Variants in ZNF280D observed in about 807,000 individuals in gnomAD.
ZNF280D encodes the protein zinc finger protein 280D.
A neutral mutation model predicts 94.7 loss-of-function variants in ZNF280D; 39 were observed. The ratio of observed to expected loss-of-function variants is 0.41; its 90% CI spans 0.32 to 0.54. The LOEUF (loss-of-function observed/expected upper bound fraction) is 0.54, where lower values mean the gene tolerates loss of function less well. ZNF280D is among the 20% of genes least tolerant of loss of function. The probability of loss-of-function intolerance (pLI) is 0.22; values close to 1 mark genes in which losing one functional copy is unlikely to be tolerated. For synonymous variants in ZNF280D, 398 were observed against 377.6 expected (o/e 1.05, Z -0.63); for missense variants, 1,090 against 1,149.3 (o/e 0.95, Z 0.75).
chr15:56,691,523 T>G (rs1243024983), intron 7 of ZNF280D, among the ~76,000 whole-genome samples: 5 of 152,208 alleles, frequency 3.3e-5, no homozygotes, highest in African/African-American at 1.2e-4. Context: ...TCACTCTGTA[T>G]TTGTTTTAAA....
At chr15:56,642,078 T>C (rs1187930349) in intron 20 of ZNF280D, among the ~76,000 whole-genome samples, 1 of 151,620 alleles carries the variant, frequency 6.6e-6, no homozygotes, top group Non-Finnish European at 1.5e-5. Context: ...ACTTTCTCAA[T>C]ATACATAAGA....
intron 1 of ZNF280D, among the ~76,000 whole-genome samples, chr15:56,715,880 A>G (rs2058017835): frequency 6.6e-6 from 1 of 152,198 alleles, no homozygotes; most frequent in Non-Finnish European, 1.5e-5. Flanking sequence ...TGAAATATTC[A>G]GAAACAAAAC....
At chr15:56,689,754 G>A (rs2056309793) in intron 7 of ZNF280D, among the ~76,000 whole-genome samples, 1 of 151,528 alleles carries the variant, frequency 6.6e-6, no homozygotes, top group African/African-American at 2.4e-5. Context: ...CTATCACAAA[G>A]GGAGCCAGAC....
intron 3 of ZNF280D, among the ~76,000 whole-genome samples, chr15:56,706,854 A>G (rs576069970): frequency 3.7e-4 from 57 of 152,318 alleles, no homozygotes; most frequent in African/African-American, 1.1e-3. Context: ...ATGTATGATT[A>G]TATGTACCAA....
rs1464789234 is a variant in ZNF280D, at chr15:56,666,375, A to T, written c.1994+20T>A. On this transcript the variant is annotated intron_variant, in intron 16 of 21. Transcript: ENST00000267807. ...GAACTATAATTTTAATTGGCAATTT[A>T]CACATTTAATTCATCTTACCTCATC... The T allele has an allele frequency of 3.8e-6, 6 of 1,598,430 alleles. No homozygotes were observed. In the African/African-American group the frequency reaches 4.1e-5, roughly 11 times the overall value.
Position 56,654,371 on chromosome 15 carries a change from TTACA to T in ZNF280D, c.2176+10_2176+13del. The T allele has an allele frequency of 6.2e-7, 1 of 1,601,928 alleles. No individual in the cohort carries two copies. The highest frequency in any genetic ancestry group is 8.5e-7 in the Non-Finnish European group (1 of 1,176,796). Reference sequence around the variant, plus strand: ...AAGTCAAAAATCTAAAGTAGCACAGTTACATATACGTACCTTTCTGCATTACAAC... The same window carrying T: ...AAGTCAAAAATCTAAAGTAGCACAGTTATACGTACCTTTCTGCATTACAAC... On this transcript the variant is annotated intron_variant, in intron 18 of 21. Transcript: ENST00000267807.
chr15:56,693,967 G>A (rs2141114308), intron 6 of ZNF280D, among the ~76,000 whole-genome samples: 1 of 152,154 alleles, frequency 6.6e-6, no homozygotes. Context: ...TCAGTAGAGT[G>A]AACAAATAAG....
At chr15:56,728,243 A>C (rs114114938) in intron 1 of ZNF280D, among the ~76,000 whole-genome samples, 1,669 of 152,154 alleles carry the variant, frequency 0.011, 39 homozygotes, top group African/African-American at 0.038. Flanking sequence ...GGCTAGTCTC[A>C]AACTCCTAGG....
rs1162873316 is a variant in ZNF280D, at chr15:56,700,970, G to A, written c.344C>T (p.Ser115Leu). ...PINFHPESRS[S>L]DSSVIVQPFS... ...AGGCTGAACAATAACAGAACTATCT[G>A]AAGATCTAGACTCAGGATGAAAATT... Residue 115 changes from serine (S) to leucine (L), a missense_variant, in exon 6 of 22, where the codon TCA (serine) becomes TTA (leucine). By Grantham distance (145) the Ser-to-Leu change is moderately radical (BLOSUM62 -2). Coordinates refer to ENST00000267807, the MANE Select transcript of ZNF280D (RefSeq NM_017661.4). 1 of 1,613,896 alleles carries A rather than the reference G, an allele frequency of 6.2e-7. No individual in the cohort carries two copies. The highest frequency in any genetic ancestry group is 1.3e-5 in the African/African-American group (1 of 75,030).
chr15:56,705,065 A>G (rs1410844486), intron 3 of ZNF280D, among the ~76,000 whole-genome samples: 1 of 152,162 alleles, frequency 6.6e-6, no homozygotes, highest in African/African-American at 2.4e-5. Flanking sequence ...GGCTTATTCA[A>G]TTAAAGGCAA....
Position 56,681,051 on chromosome 15 carries a change from T to TA in ZNF280D, c.1004+1202dup, listed in dbSNP as rs746205287. 1.1e-4 allele frequency among the ~76,000 whole-genome samples: 16 copies of TA among 152,308 alleles called. No homozygotes were observed. In the East Asian group the frequency reaches 1.5e-3, roughly 15 times the overall value. On this transcript the variant is annotated intron_variant, in intron 10 of 21. Coordinates refer to ENST00000267807, the MANE Select transcript of ZNF280D (RefSeq NM_017661.4). Reference sequence around the variant, plus strand: ...GCAACCATTAGCTATTGATGGCCCTTAAAGTTTGATAAGAGGAGGTAAAGA... The same window carrying TA: ...GCAACCATTAGCTATTGATGGCCCTTAAAAGTTTGATAAGAGGAGGTAAAGA...
intron 9 of ZNF280D, among the ~76,000 whole-genome samples, chr15:56,686,042 A>G (rs1261351166): frequency 6.6e-6 from 1 of 152,364 alleles, no homozygotes; most frequent in South Asian, 2.1e-4. Flanking sequence ...AGGGGTTGTG[A>G]GTCTAACATC....
At position 56,633,249 on chromosome 15, in the gene ZNF280D, T is replaced by C. The variant is rs2052179104; in HGVS notation, c.2316-1127A>G. On this transcript the variant is annotated intron_variant, in intron 21 of 21. Transcript: ENST00000267807. Reference sequence around the variant, plus strand: ...TTATTATTTACTAAATTACTATTTATATAAGGCTATTTCTCTGCTATTTGT... The same window carrying C: ...TTATTATTTACTAAATTACTATTTACATAAGGCTATTTCTCTGCTATTTGT... 1.3e-5 allele frequency among the ~76,000 whole-genome samples: 2 copies of C among 152,202 alleles called. 1 individual carries two copies. Among genetic ancestry groups the C allele is most frequent in the South Asian group, 4.1e-4 (2 of 4,836 alleles).
intron 1 of ZNF280D, among the ~76,000 whole-genome samples, chr15:56,715,220 C>A (rs1398632017): frequency 6.6e-6 from 1 of 151,940 alleles, no homozygotes; most frequent in African/African-American, 2.4e-5. Context: ...TAGGAAATAC[C>A]CTATCATGGA....
chr15:56,687,392 C>T (rs1250337691), intron 9 of ZNF280D, among the ~76,000 whole-genome samples: 4 of 152,022 alleles, frequency 2.6e-5, no homozygotes, highest in Non-Finnish European at 4.4e-5. Flanking sequence ...CCATTCTCTC[C>T]AGATGCAGAG....
At chr15:56,697,464 C>T (rs940632988) in intron 6 of ZNF280D, among the ~76,000 whole-genome samples, 3 of 152,204 alleles carry the variant, frequency 2.0e-5, no homozygotes, top group South Asian at 2.1e-4. Context: ...GGACTACAGG[C>T]GTGAGCCACC....
chr15:56,677,467 C>A (rs1309511057), intron 12 of ZNF280D, 107 bp downstream of exon 12: 2 of 713,070 alleles, frequency 2.8e-6, no homozygotes, highest in African/African-American at 3.6e-5. Context: ...ATAAGTTATG[C>A]CAAGTTATGC....
chr15:56,674,111 T>C (rs1466348373), intron 13 of ZNF280D, among the ~76,000 whole-genome samples: 1 of 152,118 alleles, frequency 6.6e-6, no homozygotes, highest in African/African-American at 2.4e-5. Flanking sequence ...ACTAAGGCAC[T>C]CAGTAAATAT....
intron 16 of ZNF280D, among the ~76,000 whole-genome samples, chr15:56,661,905 T>C (rs1327182742): frequency 6.6e-6 from 1 of 152,198 alleles, no homozygotes; most frequent in African/African-American, 2.4e-5. Context: ...AAATGCAATC[T>C]GAGAGTCAGA....
Sources: allele counts gnomAD v4.1 joint callset (sites outside exome capture counted in the v4.1 genomes callset), GRCh38; gene constraint gnomAD v4.1.1; transcripts MANE v1.5; gene names NCBI Gene and HGNC (gene_info 2026-07-23, HGNC 2026-07-21).